The following COQ9 variants were observed in gnomAD, a reference collection of about 807,000 sequenced individuals.
The protein encoded by COQ9 is ubiquinone biosynthesis protein COQ9, mitochondrial.
Under a neutral mutation model 42.4 loss-of-function variants are expected in COQ9, and 35 were observed. The observed-to-expected ratio is 0.83, with a 90% CI of 0.63 to 1.10. The LOEUF (loss-of-function observed/expected upper bound fraction) is 1.10. Ranked by LOEUF, COQ9 falls within the 50% of genes least tolerant of loss-of-function variation. The pLI, the probability that COQ9 is intolerant of heterozygous loss-of-function variation, is 0.00. For synonymous variants in COQ9, 155 were observed against 155.1 expected (o/e 1.00, Z 0.00); for missense variants, 406 against 414.6 (o/e 0.98, Z 0.18).
Position 57,452,863 on chromosome 16 carries a change from G to T in COQ9, c.305G>T (p.Arg102Leu). The T allele has an allele frequency of 1.2e-6, 2 of 1,613,818 alleles. No homozygotes were observed. Among genetic ancestry groups the T allele is most frequent in the Non-Finnish European group, 1.7e-6 (2 of 1,180,012 alleles). ...GAAAGTGAGGAGCAGTTGCAGCACC[G>T]CATCCTGACGGCAGCCCTTGAGTTT... ...DYESEEQLQH[R>L]ILTAALEFVP... The change falls in exon 3 of 9, where the codon CGC (arginine) becomes CTC (leucine). Residue 102 changes from arginine (R) to leucine (L), a missense_variant. Coordinates refer to ENST00000262507, the MANE Select transcript of COQ9 (RefSeq NM_020312.4).
chr16:57,459,543 G>T (rs371650713), intron 6 of COQ9, 22 bp from the exon 7 acceptor site: 13 of 1,613,502 alleles, frequency 8.1e-6, no homozygotes, highest in Non-Finnish European at 1.1e-5. Flanking sequence ...AGCCCACAGC[G>T]GTAGTGTGGG....
Position 57,459,698 on chromosome 16 carries a change from A to G in COQ9, c.845A>G (p.Asn282Ser). The G allele has an allele frequency of 6.2e-7, 1 of 1,614,200 alleles. No homozygotes were observed. Among genetic ancestry groups the G allele is most frequent in the African/African-American group, 1.3e-5 (1 of 75,052 alleles). ...GAAAACCGGGTTAATGATGCAATGA[A>G]CATGGGCCACACTGCCAAGCAGGTA... ...FLENRVNDAM[N>S]MGHTAKQVKS... The change falls in exon 7 of 9, where the codon AAC becomes AGC. Residue 282 changes from asparagine (N) to serine (S), a missense_variant. Coordinates refer to ENST00000262507, the MANE Select transcript of COQ9 (RefSeq NM_020312.4).
chr16:57,447,682 C>T (rs1478367795), intron 1 of COQ9, 104 bp downstream of exon 1: 6 of 1,025,734 alleles, frequency 5.8e-6, no homozygotes, highest in Non-Finnish European at 7.5e-6. Flanking sequence ...TGGGGCGGCC[C>T]ACGAGCAAGG....
intron 3 of COQ9, among the ~76,000 whole-genome samples, chr16:57,454,695 A>G (rs1324538632): frequency 6.6e-6 from 1 of 152,178 alleles, no homozygotes; most frequent in Admixed American, 6.5e-5. Context: ...TGGTCAGGAA[A>G]GGCTTTTGAG....
chr16:57,456,796 G>A, intron 4 of COQ9, 135 bp from the exon 5 acceptor site: 1 of 1,317,350 alleles, frequency 7.6e-7, no homozygotes, highest in Non-Finnish European at 1.1e-6. Context: ...AAACCTGGCA[G>A]CCTGTCTCTG....
intron 5 of COQ9, chr16:57,457,261 G>T (rs917726814): frequency 1.5e-5 from 9 of 580,986 alleles, no homozygotes; most frequent in Middle Eastern, 2.6e-4. Flanking sequence ...TCCCATCCTG[G>T]GTGGGGTTCT....
Position 57,452,817 on chromosome 16 carries a change from G to C in COQ9, c.259G>C (p.Gly87Arg). The C allele has an allele frequency of 1.9e-6, 3 of 1,613,312 alleles. No individual in the cohort carries two copies. Among genetic ancestry groups the C allele is most frequent in the Non-Finnish European group, 2.5e-6 (3 of 1,180,026 alleles). ...TTGTCTCAGGTATACAGACCAGGGC[G>C]GCGAGGAGGAGGAGGACTATGAAAG... is the stretch of plus-strand genomic sequence containing the variant. ...HSPPRYTDQG[G>R]EEEEDYESEE... The change falls in exon 3 of 9, where the codon GGC becomes CGC. Residue 87 changes from glycine (G) to arginine (R), a missense_variant. Coordinates refer to ENST00000262507, the MANE Select transcript of COQ9 (RefSeq NM_020312.4).
chr16:57,454,157 T>C (rs1244227860), intron 3 of COQ9: 2 of 152,168 alleles, frequency 1.3e-5, no homozygotes, highest in South Asian at 4.1e-4. Context: ...TTTGTAGATA[T>C]AAAAGTAATG....
At chr16:57,457,527 T>C (rs1235778224) in intron 5 of COQ9, 9 of 255,594 alleles carry the variant, frequency 3.5e-5, no homozygotes, top group Admixed American at 1.5e-4. Context: ...GGCCATTCTC[T>C]GAGTGAAGAA....
chr16:57,452,827 A>C lies in COQ9; in HGVS notation c.269A>C (p.Glu90Ala), dbSNP rs1473783033. 6.2e-7 allele frequency: 1 copy of C among 1,613,356 alleles called. No individual in the cohort carries two copies. Among genetic ancestry groups the C allele is most frequent in the East Asian group, 2.2e-5 (1 of 44,878 alleles). ...TATACAGACCAGGGCGGCGAGGAGGAGGAGGACTATGAAAGTGAGGAGCAG... is the reference window on the plus strand; with the variant it reads ...TATACAGACCAGGGCGGCGAGGAGGCGGAGGACTATGAAAGTGAGGAGCAG... ...PRYTDQGGEE[E>A]EDYESEEQLQ... Residue 90 changes from glutamate (E) to alanine (A), a missense_variant, in exon 3 of 9, where the codon GAG becomes GCG. Physicochemically the swap from Glu to Ala is moderately radical, Grantham distance 107. Coordinates refer to ENST00000262507, the MANE Select transcript of COQ9 (RefSeq NM_020312.4).
In COQ9 at chr16:57,457,680, C is replaced by T. The variant is rs140532478; in HGVS notation, c.607-566C>T. 9.2e-5 allele frequency among the ~76,000 whole-genome samples: 14 copies of T among 152,296 alleles called. No individual in the cohort carries two copies. The East Asian group carries it at 2.5e-3, about 27-fold the overall frequency. On this transcript the variant is annotated intron_variant, in intron 5 of 8. Transcript: ENST00000262507. ...CTTATGGTGGTGCCTAACCCCAGGCCGAGTGTGACTCATTCCACCTTGCAG... is the reference window on the plus strand; with the variant it reads ...CTTATGGTGGTGCCTAACCCCAGGCTGAGTGTGACTCATTCCACCTTGCAG...
In COQ9 at chr16:57,447,496, C is replaced by G; in HGVS notation, c.-10C>G. ...GTCGCGTCGCCGTGGGCGACGTGCC[C>G]GCTTCCAAAATGGCGGCGGCGGCGG... is the stretch of plus-strand genomic sequence containing the variant. On this transcript the variant is annotated 5_prime_UTR_variant, in exon 1 of 9. Coordinates refer to ENST00000262507, the MANE Select transcript of COQ9 (RefSeq NM_020312.4). The G allele has an allele frequency of 7.7e-7, 1 of 1,298,436 alleles. No homozygotes were observed. Among genetic ancestry groups the G allele is most frequent in the Non-Finnish European group, 9.8e-7 (1 of 1,016,064 alleles). The allele number at this position is 1,298,436 out of a possible 1,614,324, so 80.4% of individuals were successfully genotyped here.
Position 57,459,622 on chromosome 16 carries a change from G to C in COQ9, c.769G>C (p.Val257Leu), listed in dbSNP as rs1346563736. The change falls in exon 7 of 9, where the codon GTG becomes CTG. Residue 257 changes from valine to leucine, a missense_variant. Physicochemically the swap from Val to Leu is conservative, Grantham distance 32 (BLOSUM62 1). Transcript: ENST00000262507. ...TGCCATCTACAACACAACAGAGCTGGTGATGATGCAGGACTCCTCTCCAGA... is the reference window on the plus strand; with the variant it reads ...TGCCATCTACAACACAACAGAGCTGCTGATGATGCAGGACTCCTCTCCAGA... ...LAAIYNTTEL[V>L]MMQDSSPDFE... is the part of the protein sequence containing the mutation. The C allele has an allele frequency of 1.9e-6, 3 of 1,614,216 alleles. No homozygotes were observed. The highest frequency in any genetic ancestry group is 8.5e-7 in the Non-Finnish European group (1 of 1,180,034).
At chr16:57,458,001 A>C (rs2030444111) in intron 5 of COQ9, 1 of 516,502 alleles carries the variant, frequency 1.9e-6, no homozygotes, top group Non-Finnish European at 3.6e-6. Flanking sequence ...CTGCATTCCC[A>C]GTTCCAAATG....
intron 3 of COQ9, 177 bp from the exon 4 acceptor site, chr16:57,456,327 A>G (rs1244353485): frequency 2.3e-5 from 16 of 683,492 alleles, no homozygotes; most frequent in Non-Finnish European, 3.9e-5. Flanking sequence ...TTGCACACAC[A>G]CCAAGGGGCT....
intron 1 of COQ9, 56 bp from the exon 2 acceptor site, chr16:57,450,984 G>A: frequency 6.3e-7 from 1 of 1,589,332 alleles, no homozygotes; most frequent in Non-Finnish European, 8.6e-7. Context: ...TTACCACTCT[G>A]GGTCTGAAAG....
At chr16:57,460,527 C>T (rs765534287) in intron 8 of COQ9, 62 bp from the exon 9 acceptor site, 143 of 1,489,192 alleles carry the variant, frequency 9.6e-5, no homozygotes, top group Non-Finnish European at 1.3e-4. Context: ...TAGGTCTTTT[C>T]TATTAGAGTC....
intron 1 of COQ9, among the ~76,000 whole-genome samples, chr16:57,448,075 G>C (rs778978329): frequency 1.2e-4 from 18 of 152,128 alleles, no homozygotes; most frequent in Non-Finnish European, 1.9e-4. Context: ...TTCTTAAAGA[G>C]GAAACTTTAT....
intron 1 of COQ9, 110 bp downstream of exon 1, chr16:57,447,688 C>T: frequency 5.2e-6 from 5 of 962,510 alleles, no homozygotes; most frequent in Non-Finnish European, 6.8e-6. Context: ...GGCCCACGAG[C>T]AAGGTGAGGT....
Sources: allele counts gnomAD v4.1 joint callset (sites outside exome capture counted in the v4.1 genomes callset), GRCh38; gene constraint gnomAD v4.1.1; transcripts MANE v1.5; gene names NCBI Gene and HGNC (gene_info 2026-07-23, HGNC 2026-07-21).